Variants in TMEM245 observed in about 807,000 individuals in gnomAD.
TMEM245 encodes transmembrane protein 245.
A neutral mutation model predicts 101.2 loss-of-function variants in TMEM245; 69 were observed. The ratio of observed to expected loss-of-function variants is 0.68; its 90% CI spans 0.56 to 0.83. The LOEUF is 0.83. Among genes scored for constraint, TMEM245 ranks in the 40% least tolerant of loss-of-function variants. The pLI, the probability that TMEM245 is intolerant of heterozygous loss-of-function variation, is 0.00. For missense variants in TMEM245, 1,075 were observed against 1,092.8 expected (o/e 0.98, Z 0.23); for synonymous variants, 537 against 449.8 (o/e 1.19, Z -2.45).
chr9:109,050,175 A>G (rs17729595), intron 14 of TMEM245, 108 bp downstream of exon 14: 17,603 of 1,259,262 alleles, frequency 0.014, 175 homozygotes, highest in South Asian at 0.033. Context: ...ACCAGAGTCC[A>G]TCACGAGTTT....
chr9:109,089,860 TC>T (rs1277551837), intron 5 of TMEM245, among the ~76,000 whole-genome samples: 1 of 152,204 alleles, frequency 6.6e-6, no homozygotes, highest in Non-Finnish European at 1.5e-5. Context: ...ATTTAATTTT[TC>T]TGCCAAATCA....
intron 15 of TMEM245, 83 bp downstream of exon 15, chr9:109,037,934 G>A (rs1249331299): frequency 2.6e-6 from 3 of 1,139,016 alleles, no homozygotes; most frequent in Non-Finnish European, 3.7e-6. Flanking sequence ...TAAACTTGAG[G>A]AAGTAGACAT....
In TMEM245 at chr9:109,060,402, C is replaced by T. The variant is rs374369870; in HGVS notation, c.1674G>A (p.Lys558=). 1.9e-6 allele frequency: 3 copies of T among 1,613,622 alleles called. No homozygotes were observed. In the African/African-American group the frequency reaches 4.0e-5, roughly 22 times the overall value. ...GTCTGTCCCAAAGTTCTAGTACTTG[C>T]TTTTCAATTACAGCAGTATTGTTCA... ...DKVNNTAVIE[K]QVLELWDRLY... The change falls in exon 11 of 18, where the codon AAG becomes AAA. Residue 558 remains lysine (K), a synonymous_variant. Coordinates refer to ENST00000374586, the MANE Select transcript of TMEM245 (RefSeq NM_032012.4).
chr9:109,117,784 A>T (rs1830765896), intron 1 of TMEM245, among the ~76,000 whole-genome samples: 2 of 152,388 alleles, frequency 1.3e-5, no homozygotes, highest in South Asian at 4.1e-4. Flanking sequence ...AGCAGTATCA[A>T]CAGTCAAAAA....
intron 8 of TMEM245, among the ~76,000 whole-genome samples, chr9:109,075,660 ATCCTT>A (rs1461565422): frequency 1.8e-4 from 27 of 152,292 alleles, no homozygotes; most frequent in Admixed American, 1.4e-3. Context: ...ATATTCCCTT[ATCCTT>A]TCAAGATCCG....
rs772342931 is a variant in TMEM245 at position 109,119,895 on chromosome 9, G to C, written c.19C>G (p.Pro7Ala). 3 of 1,272,512 alleles carry C rather than the reference G, an allele frequency of 2.4e-6. No homozygotes were observed. The highest frequency in any genetic ancestry group is 3.0e-6 in the Non-Finnish European group (3 of 1,014,794). 78.8% of individuals were successfully genotyped at this position (1,272,512 alleles called of 1,614,324 possible). A position where few individuals can be genotyped will look rare whatever the true frequency, so the allele number is the denominator to read the frequency against. MADGGG[P>A]KDAPSLRSSP... ...CTCCGCAGGCTTGGCGCGTCCTTAG[G>C]GCCGCCGCCGTCGGCCATCGTTCCT... The change falls in exon 1 of 18, where the codon CCT becomes GCT. Residue 7 changes from proline to alanine, a missense_variant. Around this residue, in one of 2 missense-constraint regions of TMEM245, gnomAD observed 808 missense variants for 741.5 expected, o/e 1.09. Transcript: ENST00000374586.
chr9:109,078,937 A>G (rs73531369), intron 8 of TMEM245, among the ~76,000 whole-genome samples: 2,014 of 152,262 alleles, frequency 0.013, 49 homozygotes, highest in African/African-American at 0.044. Flanking sequence ...GCTCATCTCC[A>G]ATTGGACTTG....
At chr9:109,115,749 C>T (rs893931514) in intron 1 of TMEM245, among the ~76,000 whole-genome samples, 3 of 151,802 alleles carry the variant, frequency 2.0e-5, no homozygotes, top group Admixed American at 1.3e-4. Flanking sequence ...AGGCTGGTCT[C>T]GAACTCCTGA....
At chr9:109,060,300 CA>C in intron 11 of TMEM245, 53 bp downstream of exon 11, 1 of 1,270,752 alleles carries the variant, frequency 7.9e-7, no homozygotes. Flanking sequence ...GTTGATGAGT[CA>C]ATAAAAGGAC....
chr9:109,072,455 G>C (rs1829362972), intron 9 of TMEM245, among the ~76,000 whole-genome samples: 1 of 152,204 alleles, frequency 6.6e-6, no homozygotes, highest in Non-Finnish European at 1.5e-5. Flanking sequence ...AGATCTAAGT[G>C]ATTACACTCA....
At chr9:109,074,486 C>A in intron 8 of TMEM245, among the ~76,000 whole-genome samples, 1 of 152,128 alleles carries the variant, frequency 6.6e-6, no homozygotes, top group Non-Finnish European at 1.5e-5. Context: ...AAAGAAGCCA[C>A]ATCGTTATCC....
At chr9:109,092,662 A>G (rs752166707) in intron 4 of TMEM245, among the ~76,000 whole-genome samples, 13 of 152,244 alleles carry the variant, frequency 8.5e-5, no homozygotes, top group Non-Finnish European at 1.9e-4. Flanking sequence ...TGACATTTCT[A>G]AAGTCAGTTC....
At chr9:109,092,287 T>A (rs1480710666) in intron 4 of TMEM245, among the ~76,000 whole-genome samples, 1 of 151,284 alleles carries the variant, frequency 6.6e-6, no homozygotes, top group Non-Finnish European at 1.5e-5. Flanking sequence ...TCATAAGCAA[T>A]CATACAGTAG....
intron 17 of TMEM245, among the ~76,000 whole-genome samples, chr9:109,030,946 A>G (rs1827927621): frequency 2.0e-5 from 3 of 152,254 alleles, no homozygotes; most frequent in Non-Finnish European, 4.4e-5. Flanking sequence ...AAATATTTTC[A>G]TTAAATGCAT....
rs1347446804 is a variant in TMEM245 at position 109,041,228 on chromosome 9, A to G, written c.2124-3111T>C. ...TGACCTAGTGCACAGTAGATGCTCA[A>G]TAAGCAGTGGCTATTAGTAGAAAAT... is the stretch of plus-strand genomic sequence containing the variant. On this transcript the variant is annotated intron_variant, in intron 14 of 17. Coordinates refer to ENST00000374586, the MANE Select transcript of TMEM245 (RefSeq NM_032012.4). Among the ~76,000 whole-genome samples the G allele has an allele frequency of 2.0e-5, 3 of 152,164 alleles. No individual in the cohort carries two copies. In the East Asian group the frequency reaches 5.8e-4, roughly 29 times the overall value.
intron 12 of TMEM245, among the ~76,000 whole-genome samples, chr9:109,056,038 A>T (rs1283473850): frequency 2.0e-5 from 3 of 152,234 alleles, no homozygotes; most frequent in Non-Finnish European, 4.4e-5. Flanking sequence ...AATCCATGTT[A>T]AAGGCCCAAT....
intron 11 of TMEM245, among the ~76,000 whole-genome samples, chr9:109,060,029 T>A (rs1828962009): frequency 6.6e-6 from 1 of 152,146 alleles, no homozygotes; most frequent in African/African-American, 2.4e-5. Flanking sequence ...ACAGGTAAAA[T>A]TCGTTTAGTA....
intron 15 of TMEM245, among the ~76,000 whole-genome samples, chr9:109,036,985 C>T (rs1370121589): frequency 1.3e-5 from 2 of 152,162 alleles, no homozygotes; most frequent in East Asian, 3.9e-4. Flanking sequence ...CATCCCGCCT[C>T]ACAGGGTGCT....
intron 12 of TMEM245, among the ~76,000 whole-genome samples, chr9:109,053,568 C>T (rs1242345308): frequency 6.6e-6 from 1 of 152,226 alleles, no homozygotes; most frequent in Non-Finnish European, 1.5e-5. Flanking sequence ...GCCCAAGAGA[C>T]TTACTGAACC....
Sources: allele counts gnomAD v4.1 joint callset (sites outside exome capture counted in the v4.1 genomes callset), GRCh38; gene constraint gnomAD v4.1.1; regional missense constraint gnomAD v4.1.1; transcripts MANE v1.5; gene names NCBI Gene and HGNC (gene_info 2026-07-23, HGNC 2026-07-21).